Variants in STK3 observed in about 807,000 individuals in gnomAD.
The protein encoded by STK3 is serine/threonine kinase 3.
STK3 carries 41 observed loss-of-function variants against 58.0 expected under a neutral mutation model. The ratio of observed to expected loss-of-function variants is 0.71; its 90% CI spans 0.55 to 0.92. The LOEUF is 0.92. STK3 is among the 40% of genes least tolerant of loss of function. STK3 has a pLI of 0.00. For synonymous variants in STK3, 170 were observed against 191.0 expected (o/e 0.89, Z 0.91); for missense variants, 479 against 602.7 (o/e 0.79, Z 2.15).
At chr8:98,760,594 A>AT (rs1306304462) in intron 3 of STK3, among the ~76,000 whole-genome samples, 4 of 152,130 alleles carry the variant, frequency 2.6e-5, no homozygotes, top group Non-Finnish European at 5.9e-5. Context: ...CATGAGCCAC[A>AT]TTCTATGCCT....
intron 9 of STK3, among the ~76,000 whole-genome samples, chr8:98,533,019 G>A (rs1211467042): frequency 1.3e-5 from 2 of 151,754 alleles, no homozygotes; most frequent in African/African-American, 4.8e-5. Context: ...TCATGTTGTG[G>A]CATGTGTCAG....
intron 7 of STK3, among the ~76,000 whole-genome samples, chr8:98,582,196 C>G (rs1009810329): frequency 6.6e-6 from 1 of 152,010 alleles, no homozygotes; most frequent in African/African-American, 2.4e-5. Flanking sequence ...AATCCTCACC[C>G]TCTTTAATTT....
At chr8:98,473,629 CA>C (rs1821089749) in intron 10 of STK3, among the ~76,000 whole-genome samples, 1 of 152,096 alleles carries the variant, frequency 6.6e-6, no homozygotes, top group Non-Finnish European at 1.5e-5. Context: ...GTTAGGTCGC[CA>C]AAGTTAAATG....
At chr8:98,429,382 G>A (rs1253798929) in intron 3 of STK3, 3 of 1,613,342 alleles carry the variant, frequency 1.9e-6, no homozygotes, top group Non-Finnish European at 1.7e-6. Flanking sequence ...AGCTCACCAA[G>A]TGAACTCAGT....
At chr8:98,547,321 T>C (rs1810778212) in intron 9 of STK3, among the ~76,000 whole-genome samples, 1 of 152,194 alleles carries the variant, frequency 6.6e-6, no homozygotes, top group Admixed American at 6.5e-5. Flanking sequence ...CTTAAAAAAC[T>C]GTTTTTAAAA....
At chr8:98,458,799 C>T (rs1356433233) in intron 10 of STK3, among the ~76,000 whole-genome samples, 1 of 152,190 alleles carries the variant, frequency 6.6e-6, no homozygotes, top group Non-Finnish European at 1.5e-5. Flanking sequence ...AAGGTCCAGG[C>T]TTGCTTCACC....
chr8:98,559,997 GT>G (rs1811886194), intron 8 of STK3, among the ~76,000 whole-genome samples: 1 of 152,064 alleles, frequency 6.6e-6, no homozygotes, highest in African/African-American at 2.4e-5. Flanking sequence ...AACAATTACT[GT>G]TCATGCATAC....
chr8:98,633,895 G>A, intron 6 of STK3: 1 of 321,562 alleles, frequency 3.1e-6, no homozygotes, highest in Non-Finnish European at 6.2e-6. Flanking sequence ...AAATTAACCT[G>A]GTAAGTTGTC....
chr8:98,440,363 T>A (rs1429143547), intron 1 of STK3, among the ~76,000 whole-genome samples: 1 of 152,218 alleles, frequency 6.6e-6, no homozygotes, highest in African/African-American at 2.4e-5. Flanking sequence ...TGTGATAAAA[T>A]AGCAGAAAAT....
At chr8:98,503,146 T>C (rs997196872) in intron 10 of STK3, among the ~76,000 whole-genome samples, 2 of 152,184 alleles carry the variant, frequency 1.3e-5, no homozygotes, top group Non-Finnish European at 2.9e-5. Flanking sequence ...AGCATGTATG[T>C]GTCCAGTAAT....
At chr8:98,825,786 C>CGCCAGCCTG, upstream of STK3, 1 of 72,312 alleles carries the variant, frequency 1.4e-5, no homozygotes, top group South Asian at 7.7e-4. Context: ...CCGCCCCGCC[C>CGCCAGCCTG]CGCCCCCGGC....
In STK3 at chr8:98,706,466, C is replaced by G. The variant is rs781189299; in HGVS notation, c.684+1G>C. On this transcript the variant is annotated splice_donor_variant, in intron 6 of 10. Coordinates refer to ENST00000419617, the MANE Select transcript of STK3 (RefSeq NM_006281.4). LOFTEE classifies it high-confidence loss of function. Reference sequence around the variant, plus strand: ...TTTTCAGCAAACCATAATTTTCTTACCCTCATTGGATGTATATCAGCATAA... The same window carrying G: ...TTTTCAGCAAACCATAATTTTCTTAGCCTCATTGGATGTATATCAGCATAA... 1 of 1,604,626 alleles carries G rather than the reference C, an allele frequency of 6.2e-7. No homozygotes were observed. The highest frequency in any genetic ancestry group is 1.7e-5 in the Admixed American group (1 of 57,720).
chr8:98,523,550 T>C (rs1025512196), intron 10 of STK3, among the ~76,000 whole-genome samples: 1 of 152,010 alleles, frequency 6.6e-6, no homozygotes, highest in African/African-American at 2.4e-5. Flanking sequence ...TAATTTTGTA[T>C]TTTTAGTACA....
At chr8:98,519,604 T>C (rs1054446376) in intron 10 of STK3, among the ~76,000 whole-genome samples, 4 of 152,148 alleles carry the variant, frequency 2.6e-5, no homozygotes, top group African/African-American at 9.6e-5. Context: ...GACTTTTGTT[T>C]TGTTTCCCTG....
chr8:98,736,071 A>C (rs1828564434), intron 4 of STK3, among the ~76,000 whole-genome samples: 1 of 152,162 alleles, frequency 6.6e-6, no homozygotes, highest in Admixed American at 6.5e-5. Context: ...CAGCCAATAC[A>C]AATATGAAAA....
Position 98,733,208 on chromosome 8 carries a change from C to T in STK3, c.351+16068G>A, listed in dbSNP as rs192092041. On this transcript the variant is annotated intron_variant, in intron 4 of 10. Transcript: ENST00000419617. ...TAGGAGCTAAAGATAAAACAGTGAA[C>T]GAAAAAAGAAAAACACCTGCCCTTT... Among the ~76,000 whole-genome samples the T allele has an allele frequency of 2.7e-3, 410 of 152,184 alleles. 1 individual carries two copies. In the Middle Eastern group the frequency reaches 0.027, roughly 10 times the overall value.
chr8:98,841,868 C>A (rs1311891673), intron 3 of STK3, among the ~76,000 whole-genome samples: 2 of 152,018 alleles, frequency 1.3e-5, no homozygotes, highest in Non-Finnish European at 2.9e-5. Flanking sequence ...TCTTTCTAAT[C>A]CAGTGGCTCT....
chr8:98,564,706 T>C (rs1336144302), intron 8 of STK3, among the ~76,000 whole-genome samples: 2 of 152,150 alleles, frequency 1.3e-5, no homozygotes, highest in African/African-American at 4.8e-5. Flanking sequence ...AATGTATACA[T>C]GTATCAAAAT....
intron 6 of STK3, among the ~76,000 whole-genome samples, chr8:98,596,563 T>C (rs1456074025): frequency 6.6e-6 from 1 of 152,184 alleles, no homozygotes; most frequent in Non-Finnish European, 1.5e-5. Flanking sequence ...AAATGGGTAG[T>C]AGGAGTCCAA....
Sources: allele counts gnomAD v4.1 joint callset (sites outside exome capture counted in the v4.1 genomes callset), GRCh38; gene constraint gnomAD v4.1.1; transcripts MANE v1.5; gene names NCBI Gene and HGNC (gene_info 2026-07-23, HGNC 2026-07-21).